The following DAG1 variants were observed in gnomAD, a reference collection of about 807,000 sequenced individuals.
DAG1 encodes dystroglycan 1 (dystrophin-associated glycoprotein 1).
A neutral mutation model predicts 46.1 loss-of-function variants in DAG1; 8 were observed. The ratio of observed to expected loss-of-function variants is 0.17; its 90% CI spans 0.10 to 0.31. The LOEUF is 0.31. Among genes scored for constraint, DAG1 ranks in the 10% least tolerant of loss-of-function variants. The probability of loss-of-function intolerance (pLI) is 1.00; values close to 1 mark genes in which losing one functional copy is unlikely to be tolerated. For synonymous variants in DAG1, 495 were observed against 481.8 expected (o/e 1.03, Z -0.36); for missense variants, 1,003 against 1,189.9 (o/e 0.84, Z 2.31).
rs141562264 is a variant in DAG1 at position 49,532,990 on chromosome 3, C to T, written c.2479C>T (p.Pro827Ser). ...TCTGCAGGAGGAGAAGGCTCCCCTA[C>T]CCCCTCCTGAGTACCCCAACCAGAG... ...LILQEEKAPL[P>S]PPEYPNQSVP... The change falls in exon 3 of 3, where the codon CCC becomes TCC. Residue 827 changes from proline to serine, a missense_variant. This residue lies in a region of DAG1 where 755 missense variants were observed against 854.1 expected (regional missense o/e 0.88). Coordinates refer to ENST00000308775, the MANE Select transcript of DAG1 (RefSeq NM_004393.6). The surrounding 1 kb of genome is among the most constrained non-coding windows in gnomAD (Gnocchi z 5.4). 6.9e-5 allele frequency: 111 copies of T among 1,613,958 alleles called. No individual in the cohort carries two copies. Among genetic ancestry groups the T allele is most frequent in the Non-Finnish European group, 9.2e-5 (108 of 1,179,990 alleles).
chr3:49,501,156 A>G (rs1251309635), intron 1 of DAG1, among the ~76,000 whole-genome samples: 1 of 152,202 alleles, frequency 6.6e-6, no homozygotes, highest in East Asian at 1.9e-4. Flanking sequence ...AGTCATGCCC[A>G]TGAAACAGAC....
In DAG1 at chr3:49,510,861, T is replaced by C. The variant is rs2329024; in HGVS notation, c.285+42T>C. On this transcript the variant is annotated intron_variant, in intron 2 of 2. Coordinates refer to ENST00000308775, the MANE Select transcript of DAG1 (RefSeq NM_004393.6). The stretch of plus-strand genomic sequence containing the variant: ...AGCATAAATGAGGAAGAGTTCTCAT[T>C]TTCCATTTTAGTTTTGGTGGCTTTT... 1 allele frequency: 1,602,449 copies of C among 1,609,634 alleles called. 797,915 individuals are homozygous for C. Among genetic ancestry groups the C allele is most frequent in the East Asian group, 1 (44,821 of 44,822 alleles).
rs539488132 is a variant in DAG1 at position 49,528,937 on chromosome 3, G to A, written c.286-1860G>A. 7.3e-5 allele frequency among the ~76,000 whole-genome samples: 11 copies of A among 149,712 alleles called. No individual in the cohort carries two copies. In the East Asian group the frequency reaches 7.9e-4, roughly 11 times the overall value. ...GTGATCTCAGTTCACTGCAACCTCC[G>A]CTTCCCAGGTTCAAGCAATTCTTAT... is the stretch of plus-strand genomic sequence containing the variant. On this transcript the variant is annotated intron_variant, in intron 2 of 2. Coordinates refer to ENST00000308775, the MANE Select transcript of DAG1 (RefSeq NM_004393.6).
At chr3:49,502,031 T>C (rs963597000) in intron 1 of DAG1, among the ~76,000 whole-genome samples, 6 of 152,086 alleles carry the variant, frequency 3.9e-5, no homozygotes, top group African/African-American at 1.4e-4. Flanking sequence ...CAAATTAGCC[T>C]GGTGTGGTGG....
chr3:49,524,605 C>T (rs1259403526), intron 2 of DAG1, among the ~76,000 whole-genome samples: 1 of 151,796 alleles, frequency 6.6e-6, no homozygotes, highest in Non-Finnish European at 1.5e-5. Flanking sequence ...CACTTCAGCC[C>T]AGGAGTTTGA....
intron 1 of DAG1, among the ~76,000 whole-genome samples, chr3:49,493,147 C>G (rs1157869220): frequency 1.4e-5 from 2 of 140,576 alleles, no homozygotes; most frequent in East Asian, 4.5e-4. Flanking sequence ...CAGGCTCAAG[C>G]GATCCTCCCA....
chr3:49,469,718 G>A (rs1271043167), upstream of DAG1, among the ~76,000 whole-genome samples: 1 of 152,180 alleles, frequency 6.6e-6, no homozygotes, highest in Non-Finnish European at 1.5e-5. Flanking sequence ...GTAAGGGCCG[G>A]GCAGCAAGGC....
intron 2 of DAG1, among the ~76,000 whole-genome samples, chr3:49,518,191 C>T (rs1242537751): frequency 2.0e-5 from 3 of 152,260 alleles, no homozygotes; most frequent in East Asian, 3.9e-4. Context: ...CAAATGAAGA[C>T]TCAGGTGGAA....
chr3:49,499,552 A>G (rs2050392560), intron 1 of DAG1, among the ~76,000 whole-genome samples: 1 of 152,224 alleles, frequency 6.6e-6, no homozygotes, highest in Non-Finnish European at 1.5e-5. Context: ...AGTGGAAAGC[A>G]TTTATTAACT....
intron 1 of DAG1, among the ~76,000 whole-genome samples, chr3:49,486,534 A>T (rs1465120633): frequency 6.6e-5 from 9 of 137,286 alleles, no homozygotes; most frequent in Admixed American, 6.0e-4. Context: ...CTTTTTTTTG[A>T]GACAGAGTCT....
intron 1 of DAG1, among the ~76,000 whole-genome samples, chr3:49,503,671 A>G (rs563962876): frequency 6.6e-6 from 1 of 152,140 alleles, no homozygotes; most frequent in African/African-American, 2.4e-5. Flanking sequence ...CTCTACAGGT[A>G]CAAAAACATA....
chr3:49,532,056 G>C lies in DAG1; in HGVS notation c.1545G>C (p.Glu515Asp), dbSNP rs1359281429. ...RVDAWVGTYF[E>D]VKIPSDTFYD... The stretch of plus-strand genomic sequence containing the variant: ...ATGCCTGGGTTGGCACCTACTTTGA[G>C]GTGAAGATCCCGTCAGACACTTTCT... Residue 515 changes from glutamate (E) to aspartate (D), a missense_variant, in exon 3 of 3, where the codon GAG becomes GAC. Physicochemically the swap from Glu to Asp is conservative, Grantham distance 45. Around this residue, in one of 3 missense-constraint regions of DAG1, gnomAD observed 755 missense variants for 854.1 expected, o/e 0.88. Transcript: ENST00000308775. The surrounding 1 kb of genome is among the most constrained non-coding windows in gnomAD (Gnocchi z 5.4). 5.0e-6 allele frequency: 8 copies of C among 1,614,092 alleles called. No individual in the cohort carries two copies. The highest frequency in any genetic ancestry group is 6.8e-6 in the Non-Finnish European group (8 of 1,180,042).
In DAG1 at chr3:49,515,902, C is replaced by G. The variant is rs1055837269; in HGVS notation, c.285+5083C>G. On this transcript the variant is annotated intron_variant, in intron 2 of 2. Coordinates refer to ENST00000308775, the MANE Select transcript of DAG1 (RefSeq NM_004393.6). Reference sequence around the variant, plus strand: ...GTCTTTATCTTTCTAAAGCTTAAATCTATTCAAAATCCCTTTTTACTGAGC... The same window carrying G: ...GTCTTTATCTTTCTAAAGCTTAAATGTATTCAAAATCCCTTTTTACTGAGC... 9.2e-5 allele frequency among the ~76,000 whole-genome samples: 14 copies of G among 152,136 alleles called. 1 individual carries two copies. Among genetic ancestry groups the G allele is most frequent in the African/African-American group, 3.4e-4 (14 of 41,414 alleles).
At chr3:49,484,541 C>A (rs4855864) in intron 1 of DAG1, among the ~76,000 whole-genome samples, 1 of 151,858 alleles carries the variant, frequency 6.6e-6, no homozygotes, top group Non-Finnish European at 1.5e-5. Flanking sequence ...AAAATGGCTC[C>A]GTATGCTTTC....
chr3:49,516,972 G>A (rs1416948590), intron 2 of DAG1, among the ~76,000 whole-genome samples: 1 of 150,038 alleles, frequency 6.7e-6, no homozygotes, highest in African/African-American at 2.5e-5. Context: ...TAGTTTGTAG[G>A]GAGCACCCAA....
chr3:49,515,382 T>C (rs1221663033), intron 2 of DAG1, among the ~76,000 whole-genome samples: 1 of 137,124 alleles, frequency 7.3e-6, no homozygotes. Context: ...CTAATATTCT[T>C]GTGTTGTTTT....
chr3:49,491,634 G>A (rs750952557), intron 1 of DAG1, among the ~76,000 whole-genome samples: 22 of 151,942 alleles, frequency 1.4e-4, no homozygotes, highest in Non-Finnish European at 2.4e-4. Context: ...CCGCCAACAC[G>A]CCTGGCTAAT....
At chr3:49,505,518 GTT>G (rs1483461258) in intron 1 of DAG1, among the ~76,000 whole-genome samples, 2 of 152,096 alleles carry the variant, frequency 1.3e-5, no homozygotes, top group South Asian at 2.1e-4. Context: ...ATTTTTGAAT[GTT>G]TTTGTGTTCT....
chr3:49,492,540 G>A (rs2050216403), intron 1 of DAG1, among the ~76,000 whole-genome samples: 2 of 152,024 alleles, frequency 1.3e-5, no homozygotes, highest in Admixed American at 1.3e-4. Flanking sequence ...CCAGCTATTT[G>A]GGAGGCTGAG....
Sources: gnomAD v4.1 joint callset for allele counts (sites outside exome capture counted in the v4.1 genomes callset) on GRCh38, gnomAD v4.1.1 for gene constraint, gnomAD v4.1.1 regional missense constraint, Gnocchi (gnomAD v3.1) non-coding constraint, MANE v1.5 for transcripts, NCBI Gene and HGNC (gene_info 2026-07-23, HGNC 2026-07-21) for gene names.